Variants in BEND7 observed in about 807,000 individuals in gnomAD.
BEND7 encodes the protein BEN domain containing 7.
A neutral mutation model predicts 50.9 loss-of-function variants in BEND7; 28 were observed. The observed-to-expected ratio is 0.55, with a 90% CI of 0.41 to 0.75. The LOEUF is 0.75. Among genes scored for constraint, BEND7 ranks in the 30% least tolerant of loss-of-function variants. The pLI is 0.00. For synonymous variants in BEND7, 170 were observed against 183.9 expected (o/e 0.92, Z 0.61); for missense variants, 477 against 491.3 (o/e 0.97, Z 0.28).
downstream of BEND7, among the ~76,000 whole-genome samples, chr10:13,440,538 T>C (rs1395109708): frequency 1.3e-5 from 2 of 152,216 alleles, no homozygotes; most frequent in African/African-American, 2.4e-5. Context: ...AGTCAGACCC[T>C]GAATTGAACC....
downstream of BEND7, among the ~76,000 whole-genome samples, chr10:13,440,713 G>A (rs895362790): frequency 6.6e-6 from 1 of 152,256 alleles, no homozygotes; most frequent in Non-Finnish European, 1.5e-5. Flanking sequence ...CTCAGCATCG[G>A]AGAAGATTGA....
At chr10:13,469,745 G>T (rs2074619977) in intron 6 of BEND7, among the ~76,000 whole-genome samples, 1 of 152,182 alleles carries the variant, frequency 6.6e-6, no homozygotes, top group Non-Finnish European at 1.5e-5. Flanking sequence ...AAAGTGCTGG[G>T]ATTACAGGCA....
At chr10:13,455,462 G>A (rs1216443028) in intron 6 of BEND7, among the ~76,000 whole-genome samples, 2 of 152,164 alleles carry the variant, frequency 1.3e-5, no homozygotes, top group African/African-American at 4.8e-5. Context: ...GGTGCCCTAT[G>A]AAGGTCAGTG....
At chr10:13,439,737 T>C (rs1835098910), downstream of BEND7, among the ~76,000 whole-genome samples, 1 of 152,092 alleles carries the variant, frequency 6.6e-6, no homozygotes, top group East Asian at 1.9e-4. Flanking sequence ...TTGGGATCCC[T>C]TGTCTTCAGC....
chr10:13,509,667 C>T (rs1454113024), intron 2 of BEND7, among the ~76,000 whole-genome samples: 2 of 152,208 alleles, frequency 1.3e-5, no homozygotes, highest in South Asian at 4.1e-4. Flanking sequence ...ATAAACAACA[C>T]CAGCATTTCC....
At chr10:13,506,428 T>C (rs1158175370) in intron 2 of BEND7, among the ~76,000 whole-genome samples, 1 of 152,158 alleles carries the variant, frequency 6.6e-6, no homozygotes, top group Non-Finnish European at 1.5e-5. Flanking sequence ...CAAGCAGCAG[T>C]TCTGCGAGCC....
rs535386007 is a variant in BEND7, at chr10:13,518,329, G to A, written c.145+7809C>T. Among the ~76,000 whole-genome samples the A allele has an allele frequency of 8.5e-4, 130 of 152,308 alleles. 1 individual carries two copies. Among genetic ancestry groups the A allele is most frequent in the African/African-American group, 2.9e-3 (119 of 41,586 alleles). On this transcript the variant is annotated intron_variant, in intron 2 of 8. Coordinates refer to ENST00000466271, the MANE Select transcript of BEND7 (RefSeq NM_001369863.1). The stretch of plus-strand genomic sequence containing the variant: ...TGTCAGCCCCACTGGCCCCTCACAG[G>A]GCCCCCTTGGGCAGGTACAACTTCG...
downstream of BEND7, among the ~76,000 whole-genome samples, chr10:13,440,788 G>T (rs28712469): frequency 6.3e-3 from 960 of 152,368 alleles, 8 homozygotes; most frequent in African/African-American, 0.022. Context: ...AGATTATAAA[G>T]CTACCTAATT....
chr10:13,488,534 C>G (rs891599242), intron 5 of BEND7, among the ~76,000 whole-genome samples: 1 of 152,124 alleles, frequency 6.6e-6, no homozygotes, highest in Admixed American at 6.6e-5. Context: ...TGTCGCCAGG[C>G]TGGAGTGCAG....
chr10:13,516,596 C>T (rs1206782269), intron 2 of BEND7, among the ~76,000 whole-genome samples: 2 of 152,114 alleles, frequency 1.3e-5, no homozygotes, highest in Admixed American at 6.6e-5. Context: ...CGTGGTGGCA[C>T]GTGCCTATAG....
At chr10:13,525,817 C>G (rs1471914920) in intron 2 of BEND7, among the ~76,000 whole-genome samples, 1 of 152,136 alleles carries the variant, frequency 6.6e-6, no homozygotes, top group East Asian at 1.9e-4. Flanking sequence ...CAAACTATTG[C>G]CAGTGAAGCA....
chr10:13,439,077 A>G, downstream of BEND7: 4 of 1,227,800 alleles, frequency 3.3e-6, no homozygotes, highest in Non-Finnish European at 4.5e-6. Context: ...ACATGTTTTC[A>G]CCAGGGCCTG....
At chr10:13,481,808 T>G (rs74122763) in intron 5 of BEND7, among the ~76,000 whole-genome samples, 4,549 of 152,344 alleles carry the variant, frequency 0.03, 233 homozygotes, top group African/African-American at 0.1. Context: ...GGAAAACCAA[T>G]GTGCTAGCAC....
chr10:13,458,985 A>G (rs1839631089), intron 6 of BEND7, among the ~76,000 whole-genome samples: 1 of 152,272 alleles, frequency 6.6e-6, no homozygotes, highest in Non-Finnish European at 1.5e-5. Context: ...GTTACTGATG[A>G]CAAAATCCAA....
At chr10:13,476,055 T>C (rs1375984895) in intron 6 of BEND7, among the ~76,000 whole-genome samples, 1 of 152,192 alleles carries the variant, frequency 6.6e-6, no homozygotes, top group Non-Finnish European at 1.5e-5. Flanking sequence ...CCCAACCGTA[T>C]TAATTTAAAT....
Position 13,468,814 on chromosome 10 carries a change from A to G in BEND7, c.1063+12085T>C, listed in dbSNP as rs558494982. Among the ~76,000 whole-genome samples, 10 of 152,342 alleles carry G rather than the reference A, an allele frequency of 6.6e-5. No homozygotes were observed. The South Asian group carries it at 2.1e-3, about 32-fold the overall frequency. On this transcript the variant is annotated intron_variant, in intron 6 of 8. Transcript: ENST00000466271. ...CATTCAAGGTGTTTCTGAGCTTTCAAACTTGAAGAGTTAGTTGATGCCTCT... is the reference window on the plus strand; with the variant it reads ...CATTCAAGGTGTTTCTGAGCTTTCAGACTTGAAGAGTTAGTTGATGCCTCT...
At chr10:13,492,130 A>T (rs1413741050) in intron 5 of BEND7, among the ~76,000 whole-genome samples, 2 of 152,138 alleles carry the variant, frequency 1.3e-5, no homozygotes, top group African/African-American at 4.8e-5. Context: ...CACGGAGTAA[A>T]TGGCATGGCG....
intron 5 of BEND7, among the ~76,000 whole-genome samples, chr10:13,490,617 G>T (rs2076584558): frequency 6.6e-6 from 1 of 152,158 alleles, no homozygotes; most frequent in Non-Finnish European, 1.5e-5. Flanking sequence ...TCTAGCTACG[G>T]TTCTAAGATT....
intron 5 of BEND7, among the ~76,000 whole-genome samples, chr10:13,492,226 G>C (rs185888987): frequency 6.6e-6 from 1 of 152,108 alleles, no homozygotes; most frequent in African/African-American, 2.4e-5. Context: ...TGTGTTTCCA[G>C]AAAGGTGCGA....
Sources: gnomAD v4.1 joint callset for allele counts (sites outside exome capture counted in the v4.1 genomes callset) on GRCh38, gnomAD v4.1.1 for gene constraint, MANE v1.5 for transcripts, NCBI Gene and HGNC (gene_info 2026-07-23, HGNC 2026-07-21) for gene names.